The following CCSER1 variants were observed in gnomAD, a reference collection of about 807,000 sequenced individuals.
CCSER1 encodes the protein coiled-coil serine rich protein 1.
A neutral mutation model predicts 82.0 loss-of-function variants in CCSER1; 41 were observed. The observed-to-expected ratio is 0.50, with a 90% confidence interval of 0.39 to 0.65. The LOEUF (loss-of-function observed/expected upper bound fraction) is 0.65. CCSER1 is among the 30% of genes least tolerant of loss of function. The probability of loss-of-function intolerance (pLI) is 0.00; values close to 1 mark genes in which losing one functional copy is unlikely to be tolerated. For missense variants in CCSER1, 1,119 were observed against 1,064.2 expected (o/e 1.05, Z -0.72); for synonymous variants, 414 against 383.9 (o/e 1.08, Z -0.92).
chr4:90,608,285 T>G (rs549781416), intron 5 of CCSER1, among the ~76,000 whole-genome samples: 55 of 152,176 alleles, frequency 3.6e-4, no homozygotes, highest in Admixed American at 1.6e-3. Flanking sequence ...CCCAAACTCA[T>G]GTGATCATTG....
At chr4:90,142,980 A>C (rs1578168816) in intron 1 of CCSER1, among the ~76,000 whole-genome samples, 1 of 152,348 alleles carries the variant, frequency 6.6e-6, no homozygotes, top group East Asian at 1.9e-4. Context: ...GCAAATTTAC[A>C]TGAAATCACT....
chr4:90,666,494 T>C (rs755829708), intron 6 of CCSER1, among the ~76,000 whole-genome samples: 1 of 152,076 alleles, frequency 6.6e-6, no homozygotes, highest in Non-Finnish European at 1.5e-5. Context: ...TAAACTAAAG[T>C]CAATGACATA....
At chr4:91,289,257 G>C (rs1044509679) in intron 10 of CCSER1, among the ~76,000 whole-genome samples, 2 of 151,994 alleles carry the variant, frequency 1.3e-5, no homozygotes, top group African/African-American at 4.8e-5. Context: ...TGGGCATACA[G>C]CTGATTTATT....
intron 10 of CCSER1, among the ~76,000 whole-genome samples, chr4:91,196,135 A>G (rs76605865): frequency 1.3e-5 from 2 of 151,110 alleles, no homozygotes; most frequent in Non-Finnish European, 2.9e-5. Flanking sequence ...TGCAGTGAGC[A>G]GAGATTGCTC....
At chr4:91,551,030 T>A (rs1349519080) in intron 10 of CCSER1, among the ~76,000 whole-genome samples, 1 of 152,036 alleles carries the variant, frequency 6.6e-6, no homozygotes, top group Non-Finnish European at 1.5e-5. Flanking sequence ...TCTACAATAA[T>A]AAAAAAGAAA....
intron 4 of CCSER1, among the ~76,000 whole-genome samples, chr4:90,465,838 C>CT (rs1377262808): frequency 1.3e-5 from 2 of 152,124 alleles, no homozygotes; most frequent in Admixed American, 6.6e-5. Flanking sequence ...ACCATGTGAA[C>CT]TTCAGTTTGA....
chr4:90,940,471 T>C (rs1731461413), intron 9 of CCSER1, among the ~76,000 whole-genome samples: 1 of 151,978 alleles, frequency 6.6e-6, no homozygotes, highest in Admixed American at 6.6e-5. Context: ...ATTTGTCCAT[T>C]AGACTCTTAA....
intron 9 of CCSER1, among the ~76,000 whole-genome samples, chr4:90,974,020 A>G (rs1029027328): frequency 4.6e-5 from 7 of 151,616 alleles, no homozygotes; most frequent in African/African-American, 1.7e-4. Flanking sequence ...ACGATCTCAT[A>G]AAAGCAGAAA....
In CCSER1 at chr4:90,469,610, T is replaced by A. The variant is rs1241681944; in HGVS notation, c.1724+1256T>A. 4.6e-5 allele frequency among the ~76,000 whole-genome samples: 7 copies of A among 151,580 alleles called. 1 individual carries two copies. Among genetic ancestry groups the A allele is most frequent in the Non-Finnish European group, 1.0e-4 (7 of 67,866 alleles). ...TAGGGTGATATCACCACTCTCTTTG[T>A]TAGTATTATGTGAAATGATATTGAG... On this transcript the variant is annotated intron_variant, in intron 5 of 10. Coordinates refer to ENST00000509176, the MANE Select transcript of CCSER1 (RefSeq NM_001145065.2).
At chr4:91,226,869 TC>T in intron 10 of CCSER1, among the ~76,000 whole-genome samples, 1 of 151,868 alleles carries the variant, frequency 6.6e-6, no homozygotes, top group Admixed American at 6.6e-5. Context: ...GAATATCACT[TC>T]AATAGTTACT....
rs376320297 is a variant in CCSER1 at position 90,135,764 on chromosome 4, T to C, written c.-42+7933T>C. Among the ~76,000 whole-genome samples the C allele has an allele frequency of 1.1e-4, 16 of 152,348 alleles. No individual in the cohort carries two copies. The South Asian group carries it at 2.3e-3, about 22-fold the overall frequency. On this transcript the variant is annotated intron_variant, in intron 1 of 10. Coordinates refer to ENST00000509176, the MANE Select transcript of CCSER1 (RefSeq NM_001145065.2). ...CTAGAAAGATAGTCATGCATCATCA[T>C]TGACAATAAATATTTTATAAATGTT...
intron 10 of CCSER1, among the ~76,000 whole-genome samples, chr4:91,141,432 A>T (rs542125868): frequency 2.4e-4 from 36 of 152,276 alleles, no homozygotes; most frequent in African/African-American, 8.2e-4. Flanking sequence ...GATTATAGGC[A>T]TGAACCACCA....
At chr4:91,316,742 T>C (rs923918384) in intron 10 of CCSER1, among the ~76,000 whole-genome samples, 26 of 152,120 alleles carry the variant, frequency 1.7e-4, no homozygotes, top group African/African-American at 6.3e-4. Context: ...CACAGTGTGA[T>C]CTTTTAAAGT....
At chr4:90,540,617 C>T (rs1775986992) in intron 5 of CCSER1, among the ~76,000 whole-genome samples, 2 of 151,992 alleles carry the variant, frequency 1.3e-5, no homozygotes, top group African/African-American at 4.8e-5. Context: ...CCAAAGAAAG[C>T]CACTTCCACT....
Position 90,308,420 on chromosome 4 carries a change from C to T in CCSER1, c.136C>T (p.Pro46Ser), listed in dbSNP as rs1215145266. Residue 46 changes from proline to serine, a missense_variant, in exon 2 of 11, where the codon CCT (proline) becomes TCT (serine). By Grantham distance (74) the Pro-to-Ser change is moderately conservative. Transcript: ENST00000509176. ...TACAGTTGGTGTCCACAGTTCCTCT[C>T]CTTCCAGCACTAACTCAAGCTCAGG... ...SNTVGVHSSSPSSTNSSSGST... is the reference protein window; with the variant it reads ...SNTVGVHSSSSSSTNSSSGST... 2 of 1,613,728 alleles carry T rather than the reference C, an allele frequency of 1.2e-6. No individual in the cohort carries two copies. The highest frequency in any genetic ancestry group is 1.1e-5 in the South Asian group (1 of 91,086).
intron 8 of CCSER1, among the ~76,000 whole-genome samples, chr4:90,876,092 C>G (rs1767167213): frequency 6.6e-6 from 1 of 151,810 alleles, no homozygotes; most frequent in South Asian, 2.1e-4. Context: ...CAAAGGAAGG[C>G]AATTATGAGA....
intron 8 of CCSER1, among the ~76,000 whole-genome samples, chr4:90,889,338 A>T (rs17017774): frequency 0.23 from 35,041 of 152,084 alleles, 4,783 homozygotes; most frequent in East Asian, 0.38. Flanking sequence ...CATAATGATG[A>T]TGAATTCTGC....
intron 10 of CCSER1, among the ~76,000 whole-genome samples, chr4:91,141,486 T>C: frequency 6.6e-6 from 1 of 152,104 alleles, no homozygotes; most frequent in East Asian, 1.9e-4. Context: ...GTGTAGTGTC[T>C]CATGGTGTAT....
intron 10 of CCSER1, among the ~76,000 whole-genome samples, chr4:91,250,777 T>TGGAAATTA (rs1193661253): frequency 6.6e-6 from 1 of 151,996 alleles, no homozygotes; most frequent in Non-Finnish European, 1.5e-5. Context: ...TGAGTGGTAT[T>TGGAAATTA]GGAAATTATT....
Sources: gnomAD v4.1 joint callset for allele counts (sites outside exome capture counted in the v4.1 genomes callset) on GRCh38, gnomAD v4.1.1 for gene constraint, MANE v1.5 for transcripts, NCBI Gene and HGNC (gene_info 2026-07-23, HGNC 2026-07-21) for gene names.